The following KLK13 variants were observed in gnomAD, a reference collection of about 807,000 sequenced individuals.
The protein encoded by KLK13 is kallikrein related peptidase 13, also known as kallikrein-13.
In KLK13, 19 loss-of-function variants were observed where a neutral mutation model predicts 22.4. The ratio of observed to expected loss-of-function variants is 0.85; its 90% CI spans 0.59 to 1.24. The LOEUF (loss-of-function observed/expected upper bound fraction) is 1.24, where lower values mean the gene tolerates loss of function less well. Ranked by LOEUF, KLK13 falls within the 50% of genes most tolerant of loss-of-function variation. The pLI, the probability that KLK13 is intolerant of heterozygous loss-of-function variation, is 0.00. For missense variants in KLK13, 311 were observed against 347.9 expected, an observed-to-expected ratio of 0.89 and a Z score of 0.84; for synonymous variants, 156 against 141.8, an observed-to-expected ratio of 1.10 and a Z score of -0.71.
In KLK13 at chr19:51,058,629, G is replaced by A. The variant is rs2091697571; in HGVS notation, c.554C>T (p.Ser185Leu). Residue 185 changes from serine (S) to leucine (L), a missense_variant, in exon 4 of 5, where the codon TCA becomes TTA. Coordinates refer to ENST00000595793, the MANE Select transcript of KLK13 (RefSeq NM_015596.3). The stretch of plus-strand genomic sequence containing the variant: ...GTAGACTTGACGACACTCCTCATCT[G>A]AGCGAAGTTGGATGTTGGCACATTG... ...TLQCANIQLR[S>L]DEECRQVYPG... The A allele has an allele frequency of 1.2e-6, 2 of 1,614,166 alleles. No individual in the cohort carries two copies. Among genetic ancestry groups the A allele is most frequent in the Non-Finnish European group, 1.7e-6 (2 of 1,180,026 alleles).
Position 51,056,054 on chromosome 19 carries a change from G to T in KLK13, c.*533C>A, listed in dbSNP as rs138999017. Among the ~76,000 whole-genome samples, 2 of 152,130 alleles carry T rather than the reference G, an allele frequency of 1.3e-5. No homozygotes were observed. Among genetic ancestry groups the T allele is most frequent in the African/African-American group, 4.8e-5 (2 of 41,416 alleles). ...AATGTTAGCTGTGGTGAGTCACAGA[G>T]GTACACAGAATGTTGTCAGGGCAGA... On this transcript the variant is annotated 3_prime_UTR_variant, in exon 5 of 5. Coordinates refer to ENST00000595793, the MANE Select transcript of KLK13 (RefSeq NM_015596.3).
intron 1 of KLK13, chr19:51,064,584 G>T (rs769046990): frequency 1.6e-5 from 8 of 511,088 alleles, no homozygotes; most frequent in Non-Finnish European, 2.3e-5. Context: ...CATACTGAAG[G>T]CTCGACGCAT....
chr19:51,057,819 T>A lies in KLK13; in HGVS notation c.645+719A>T, dbSNP rs113359299. Among the ~76,000 whole-genome samples, 4 of 152,200 alleles carry A rather than the reference T, an allele frequency of 2.6e-5. 1 individual carries two copies. The highest frequency in any genetic ancestry group is 9.6e-5 in the African/African-American group (4 of 41,496). On this transcript the variant is annotated intron_variant, in intron 4 of 4. Coordinates refer to ENST00000595793, the MANE Select transcript of KLK13 (RefSeq NM_015596.3). ...TAACAGCCTCTCCTGATTTTTTCAT[T>A]TGGGGAACTGCCCTTCTCCACTTCC...
chr19:51,058,671 T>A lies in KLK13; in HGVS notation c.512A>T (p.Asn171Ile), dbSNP rs1021077255. ...GGCACATTGTAGAGTTTTGGGGTAATTCACTGGGGAGAAGAAAGAGAAGGT... is the reference window on the plus strand; with the variant it reads ...GGCACATTGTAGAGTTTTGGGGTAAATCACTGGGGAGAAGAAAGAGAAGGT... ...GWGTTTSPQV[N>I]YPKTLQCANI... The change falls in exon 4 of 5, where the codon AAT (asparagine) becomes ATT (isoleucine). Residue 171 changes from asparagine to isoleucine, a missense_variant. By Grantham distance (149) the Asn-to-Ile change is moderately radical. Transcript: ENST00000595793. 4 of 1,614,094 alleles carry A rather than the reference T, an allele frequency of 2.5e-6. No homozygotes were observed. Among genetic ancestry groups the A allele is most frequent in the Non-Finnish European group, 2.5e-6 (3 of 1,180,006 alleles).
intron 1 of KLK13, among the ~76,000 whole-genome samples, chr19:51,061,552 C>T (rs2091731745): frequency 6.6e-6 from 1 of 152,188 alleles, no homozygotes; most frequent in Non-Finnish European, 1.5e-5. Flanking sequence ...CTCTTCTTTC[C>T]TTCATCACTC....
chr19:51,062,913 A>C (rs1080668), intron 1 of KLK13, among the ~76,000 whole-genome samples: 6,593 of 152,218 alleles, frequency 0.043, 439 homozygotes, highest in African/African-American at 0.15. Flanking sequence ...GGATTAGCTC[A>C]GTGGTTTGCA....
chr19:51,060,717 C>T (rs529039383), intron 1 of KLK13, 98 bp from the exon 2 acceptor site: 42 of 885,504 alleles, frequency 4.7e-5, no homozygotes, highest in Non-Finnish European at 6.6e-5. Context: ...CGGATTATTG[C>T]CCTGGGTGAC....
chr19:51,065,376 T>A (rs1421969810), upstream of KLK13, among the ~76,000 whole-genome samples: 1 of 151,958 alleles, frequency 6.6e-6, no homozygotes, highest in Non-Finnish European at 1.5e-5. Flanking sequence ...GTCGGTGCAC[T>A]CTCGCCCTTT....
intron 1 of KLK13, chr19:51,064,615 A>G (rs766401375): frequency 1.9e-6 from 1 of 532,136 alleles, no homozygotes; most frequent in East Asian, 5.0e-5. Context: ...CAATATTCAC[A>G]GTGACCTTCT....
Position 51,060,629 on chromosome 19 carries a change from AAG to A in KLK13, c.53-12_53-11del, listed in dbSNP as rs1205962406. The A allele has an allele frequency of 6.4e-7, 1 of 1,571,222 alleles. No homozygotes were observed. The highest frequency in any genetic ancestry group is 2.3e-5 in the East Asian group (1 of 44,200). ...GACTCCTGGGAGACACCTGGTAAAGAAGAGAGATTGTTAGAAAACTGGGATCC... is the reference window on the plus strand; with the variant it reads ...GACTCCTGGGAGACACCTGGTAAAGAAGAGATTGTTAGAAAACTGGGATCC... On this transcript the variant is annotated splice_polypyrimidine_tract_variant and intron_variant, in intron 1 of 4. Transcript: ENST00000595793.
At position 51,056,657 on chromosome 19, in the gene KLK13, A is replaced by G; in HGVS notation, c.764T>C (p.Val255Ala). 1 of 1,614,168 alleles carries G rather than the reference A, an allele frequency of 6.2e-7. No individual in the cohort carries two copies. The highest frequency in any genetic ancestry group is 8.5e-7 in the Non-Finnish European group (1 of 1,180,030). ...TCGGATTGTTTCACGGATCCACAGG[A>G]CGTATCTTGAGACACGGGTGTAGAC... is the stretch of plus-strand genomic sequence containing the variant. ...PGVYTRVSRY[V>A]LWIRETIRKY... is the part of the protein sequence containing the mutation. Residue 255 changes from valine to alanine, a missense_variant, in exon 5 of 5, where the codon GTC (valine) becomes GCC (alanine). Coordinates refer to ENST00000595793, the MANE Select transcript of KLK13 (RefSeq NM_015596.3).
intron 4 of KLK13, among the ~76,000 whole-genome samples, chr19:51,057,368 T>C (rs367562345): frequency 1.3e-5 from 2 of 152,244 alleles, no homozygotes; most frequent in African/African-American, 2.4e-5. Context: ...AAGGCTATTT[T>C]TTGCTCATGT....
At position 51,058,609 on chromosome 19, in the gene KLK13, C is replaced by T. The variant is rs1041358993; in HGVS notation, c.574G>A (p.Val192Ile). Reference sequence around the variant, plus strand: ...TTGTCAGTGATCTTTCCTGGGTAGACTTGACGACACTCCTCATCTGAGCGA... The same window carrying T: ...TTGTCAGTGATCTTTCCTGGGTAGATTTGACGACACTCCTCATCTGAGCGA... The part of the protein sequence containing the change: ...QLRSDEECRQ[V>I]YPGKITDNML... The change falls in exon 4 of 5, where the codon GTC becomes ATC. Residue 192 changes from valine to isoleucine, a missense_variant. Physicochemically the swap from Val to Ile is conservative, Grantham distance 29. Coordinates refer to ENST00000595793, the MANE Select transcript of KLK13 (RefSeq NM_015596.3). 6.8e-6 allele frequency: 11 copies of T among 1,614,012 alleles called. No homozygotes were observed. The African/African-American group carries it at 1.2e-4, about 18-fold the overall frequency.
At chr19:51,060,246 C>A (rs1282547269) in intron 2 of KLK13, among the ~76,000 whole-genome samples, 153 bp from the exon 3 acceptor site, 13 of 152,030 alleles carry the variant, frequency 8.6e-5, no homozygotes, top group Admixed American at 7.9e-4. Flanking sequence ...ACTTCAATCC[C>A]ATCCAAATCC....
At chr19:51,060,205 C>T (rs1485054542) in intron 2 of KLK13, 112 bp from the exon 3 acceptor site, 1 of 1,337,384 alleles carries the variant, frequency 7.5e-7, no homozygotes, top group East Asian at 2.4e-5. Flanking sequence ...TCCTACCTTC[C>T]TCATCTCCAA....
intron 1 of KLK13, 103 bp downstream of exon 1, chr19:51,064,913 G>C: frequency 1.1e-6 from 1 of 927,040 alleles, no homozygotes. Flanking sequence ...CCGAGTGGGC[G>C]GGGGGCGGAG....
Position 51,058,392 on chromosome 19 carries a change from T to G in KLK13, c.645+146A>C, listed in dbSNP as rs2091694809. ...CCTGCCATCCCTGGGTACCCCTTTT[T>G]GTCTTGACCTCCTATGTGAGGGGAC... On this transcript the variant is annotated intron_variant, in intron 4 of 4. Coordinates refer to ENST00000595793, the MANE Select transcript of KLK13 (RefSeq NM_015596.3). 3.3e-6 allele frequency: 3 copies of G among 910,450 alleles called. No individual in the cohort carries two copies. In the East Asian group the frequency reaches 7.3e-5, roughly 22 times the overall value. The allele number at this position is 910,450 out of a possible 1,614,324, so 56.4% of individuals were successfully genotyped here. A position where few individuals can be genotyped will look rare whatever the true frequency, so the allele number is the denominator to read the frequency against.
At chr19:51,063,859 C>A (rs752326148) in intron 1 of KLK13, 2 of 460,972 alleles carry the variant, frequency 4.3e-6, no homozygotes, top group South Asian at 3.1e-5. Context: ...TTGAAGTCTT[C>A]ACCTCATGTC....
At chr19:51,057,721 C>T (rs2091688754) in intron 4 of KLK13, among the ~76,000 whole-genome samples, 1 of 152,178 alleles carries the variant, frequency 6.6e-6, no homozygotes, top group Non-Finnish European at 1.5e-5. Flanking sequence ...AAGTAATCCT[C>T]TCACCTCAGC....
Sources: gnomAD v4.1 joint callset for allele counts (sites outside exome capture counted in the v4.1 genomes callset) on GRCh38, gnomAD v4.1.1 for gene constraint, MANE v1.5 for transcripts, NCBI Gene and HGNC (gene_info 2026-07-23, HGNC 2026-07-21) for gene names.